The following SCAF4 variants were observed in gnomAD, a reference collection of about 807,000 sequenced individuals.
The protein encoded by SCAF4 is SR-related CTD associated factor 4.
Under a neutral mutation model 129.8 loss-of-function variants are expected in SCAF4, and 25 were observed. That is an observed-to-expected ratio of 0.19 (90% CI 0.14 to 0.27). The LOEUF (loss-of-function observed/expected upper bound fraction) is 0.27, where lower values mean the gene tolerates loss of function less well. Among genes scored for constraint, SCAF4 ranks in the 10% least tolerant of loss-of-function variants. The pLI is 1.00. For missense variants in SCAF4, 1,246 were observed against 1,457.1 expected (o/e 0.86, Z 2.36); for synonymous variants, 551 against 497.7 (o/e 1.11, Z -1.43).
At position 31,688,448 on chromosome 21, in the gene SCAF4, A is replaced by G; in HGVS notation, c.1902T>C (p.Pro634=). 1 of 1,613,924 alleles carries G rather than the reference A, an allele frequency of 6.2e-7. No homozygotes were observed. ...GAGCAACTTCATTTTCAGGCTTCTTAGGAATTCCTTTCCAATCTGTGAGCG... is the reference window on the plus strand; with the variant it reads ...GAGCAACTTCATTTTCAGGCTTCTTGGGAATTCCTTTCCAATCTGTGAGCG... ...DTLNPDWKGI[P]KKPENEVAQN... The change falls in exon 16 of 20, where the codon CCT becomes CCC. Residue 634 remains proline, a synonymous_variant. Transcript: ENST00000286835.
intron 19 of SCAF4, among the ~76,000 whole-genome samples, chr21:31,676,655 C>T (rs887117574): frequency 6.6e-6 from 1 of 152,210 alleles, no homozygotes; most frequent in Non-Finnish European, 1.5e-5. Context: ...GGTCCTCCTT[C>T]ATCCTGTCTA....
intron 19 of SCAF4, among the ~76,000 whole-genome samples, chr21:31,679,965 G>A (rs2049958805): frequency 6.6e-6 from 1 of 152,180 alleles, no homozygotes; most frequent in South Asian, 2.1e-4. Flanking sequence ...GAAATCTAAA[G>A]TTAACTTTCT....
chr21:31,687,925 T>G (rs1456360798), intron 16 of SCAF4, among the ~76,000 whole-genome samples: 1 of 151,792 alleles, frequency 6.6e-6, no homozygotes, highest in Non-Finnish European at 1.5e-5. Flanking sequence ...CTGGCCAGCA[T>G]GGTGAAGCCC....
At chr21:31,693,542 AAGCAC>A in intron 11 of SCAF4, 58 bp from the exon 12 acceptor site, 1 of 1,141,748 alleles carries the variant, frequency 8.8e-7, no homozygotes, top group Non-Finnish European at 1.2e-6. Flanking sequence ...CAGAAAATAT[AAGCAC>A]ATACTAATTA....
chr21:31,730,706 G>A (rs562285353), intron 1 of SCAF4, among the ~76,000 whole-genome samples: 54 of 152,286 alleles, frequency 3.5e-4, no homozygotes, highest in Non-Finnish European at 6.8e-4. Flanking sequence ...AATCATCAAT[G>A]GTCAAGTCTC....
chr21:31,700,044 T>C (rs1029334664), intron 7 of SCAF4, among the ~76,000 whole-genome samples: 1 of 151,754 alleles, frequency 6.6e-6, no homozygotes, highest in African/African-American at 2.4e-5. Context: ...TACTGCAGCT[T>C]TGAATTCCTG....
chr21:31,706,463 C>T (rs1029494416), intron 1 of SCAF4, 106 bp from the exon 2 acceptor site: 14 of 748,518 alleles, frequency 1.9e-5, no homozygotes, highest in East Asian at 2.7e-5. Context: ...CAAACGGGGC[C>T]GGGGTGGTGA....
chr21:31,686,097 G>A (rs188789687), intron 16 of SCAF4, among the ~76,000 whole-genome samples: 27 of 151,870 alleles, frequency 1.8e-4, no homozygotes, highest in Non-Finnish European at 2.4e-4. Flanking sequence ...CAGCTACTCC[G>A]GAGGCTGAGG....
At chr21:31,715,019 T>C (rs190547853) in intron 1 of SCAF4, among the ~76,000 whole-genome samples, 41 of 152,374 alleles carry the variant, frequency 2.7e-4, no homozygotes, top group Admixed American at 1.1e-3. Context: ...TTGGCTTTTG[T>C]ATTAGTTTCC....
In SCAF4 at chr21:31,691,879, C is replaced by A. The variant is rs1441692522; in HGVS notation, c.1666G>T (p.Ala556Ser). 3.1e-6 allele frequency: 5 copies of A among 1,609,332 alleles called. No individual in the cohort carries two copies. The highest frequency in any genetic ancestry group is 4.2e-6 in the Non-Finnish European group (5 of 1,177,750). The change falls in exon 14 of 20, where the codon GCC becomes TCC. Residue 556 changes from alanine to serine, a missense_variant. Coordinates refer to ENST00000286835, the MANE Select transcript of SCAF4 (RefSeq NM_020706.2). ...CTCAGTTTCTGCAGGGCACGATAGG[C>A]ATCTTGCCTATGAACCATAACAATA... is the stretch of plus-strand genomic sequence containing the variant. ...AYIVMVHRQDAYRALQKLSRG... is the reference protein window; with the variant it reads ...AYIVMVHRQDSYRALQKLSRG...
rs1456935835 is a variant in SCAF4, at chr21:31,692,333, C to A, written c.1614+16G>T. ...ACACCTGTCCATCGTACTTAAAAAA[C>A]TGAATAAACACTCACATTAATTGAT... On this transcript the variant is annotated intron_variant, in intron 13 of 19. Coordinates refer to ENST00000286835, the MANE Select transcript of SCAF4 (RefSeq NM_020706.2). The A allele has an allele frequency of 6.3e-7, 1 of 1,583,386 alleles. No individual in the cohort carries two copies.
At chr21:31,718,559 G>C (rs2050994816) in intron 1 of SCAF4, among the ~76,000 whole-genome samples, 1 of 152,190 alleles carries the variant, frequency 6.6e-6, no homozygotes, top group African/African-American at 2.4e-5. Flanking sequence ...GCCTCCCAAA[G>C]TACTGGGATT....
intron 8 of SCAF4, 34 bp from the exon 9 acceptor site, chr21:31,696,255 A>G (rs2050383019): frequency 6.5e-7 from 1 of 1,533,032 alleles, no homozygotes; most frequent in Non-Finnish European, 9.0e-7. Flanking sequence ...TACCCATTCA[A>G]AAGCACAAGC....
At chr21:31,678,684 C>T (rs1361175794) in intron 19 of SCAF4, among the ~76,000 whole-genome samples, 1 of 152,148 alleles carries the variant, frequency 6.6e-6, no homozygotes, top group Admixed American at 6.5e-5. Context: ...TGCCCCATCT[C>T]AATTCAGGCC....
rs1490286792 is a variant in SCAF4, at chr21:31,696,576, C to G, written c.952G>C (p.Ala318Pro). The G allele has an allele frequency of 1.3e-6, 2 of 1,595,320 alleles. No individual in the cohort carries two copies. The highest frequency in any genetic ancestry group is 1.7e-6 in the Non-Finnish European group (2 of 1,171,970). ...ATAAAAAAAAAAACTAACAATGGTG[C>G]CTGTGGAGGAGGAGGAGAGGCAGCA... ...PAAASPPPPQ[A>P]PFGFPGDGMQ... is the part of the protein sequence containing the mutation. Residue 318 changes from alanine (A) to proline (P), a missense_variant, in exon 8 of 20, where the codon GCA (alanine) becomes CCA (proline). Physicochemically the swap from Ala to Pro is conservative, Grantham distance 27. Around this residue, in one of 6 missense-constraint regions of SCAF4, gnomAD observed 236 missense variants for 210.0 expected, o/e 1.12. Transcript: ENST00000286835.
Position 31,692,385 on chromosome 21 carries a change from A to T in SCAF4, c.1578T>A (p.Ser526Arg). The T allele has an allele frequency of 6.2e-7, 1 of 1,614,078 alleles. No individual in the cohort carries two copies. The highest frequency in any genetic ancestry group is 8.5e-7 in the Non-Finnish European group (1 of 1,179,942). ...CAATTGGACCAAACTCTTCCAAGAG[A>T]CTGGCAACATCCTGCTGAGTAGTTC... is the stretch of plus-strand genomic sequence containing the variant. ...DKRTTQQDVA[S>R]LLEEFGPIES... Residue 526 changes from serine (S) to arginine (R), a missense_variant, in exon 13 of 20, where the codon AGT (serine) becomes AGA (arginine). Ser to Arg is a moderately radical substitution (Grantham distance 110). Coordinates refer to ENST00000286835, the MANE Select transcript of SCAF4 (RefSeq NM_020706.2).
At chr21:31,677,170 G>C (rs569117913) in intron 19 of SCAF4, among the ~76,000 whole-genome samples, 76 of 152,118 alleles carry the variant, frequency 5.0e-4, no homozygotes, top group Middle Eastern at 3.4e-3. Context: ...ACCTGCACCT[G>C]AATCCACATT....
chr21:31,687,868 GAGGCCAAGGC>G (rs974994418), intron 16 of SCAF4, among the ~76,000 whole-genome samples: 44 of 152,106 alleles, frequency 2.9e-4, no homozygotes, highest in African/African-American at 9.4e-4. Context: ...AGCACTTTGG[GAGGCCAAGGC>G]AGGCAGATCA....
chr21:31,725,024 T>C (rs969087863), intron 1 of SCAF4, among the ~76,000 whole-genome samples: 4 of 152,178 alleles, frequency 2.6e-5, no homozygotes, highest in African/African-American at 7.2e-5. Context: ...AAACTAAGAA[T>C]TCCCTGGGTC....
Sources: allele counts gnomAD v4.1 joint callset (sites outside exome capture counted in the v4.1 genomes callset), GRCh38; gene constraint gnomAD v4.1.1; regional missense constraint gnomAD v4.1.1; transcripts MANE v1.5; gene names NCBI Gene and HGNC (gene_info 2026-07-23, HGNC 2026-07-21).